ASCC3: variants seen among roughly 807,000 people sequenced by gnomAD.
ASCC3 encodes ASC-1 complex subunit P200.
ASCC3 carries 158 observed loss-of-function variants against 256.3 expected under a neutral mutation model. The observed-to-expected ratio is 0.62, with a 90% CI of 0.54 to 0.70. ASCC3 has a LOEUF of 0.70. ASCC3 is among the 30% of genes least tolerant of loss of function. The probability of loss-of-function intolerance (pLI) is 0.00; values close to 1 mark genes in which losing one functional copy is unlikely to be tolerated. For synonymous variants in ASCC3, 948 were observed against 883.4 expected (o/e 1.07, Z -1.30); for missense variants, 2,259 against 2,626.0 (o/e 0.86, Z 3.05).
At chr6:100,759,518 T>C (rs1781336841) in intron 10 of ASCC3, among the ~76,000 whole-genome samples, 1 of 152,188 alleles carries the variant, frequency 6.6e-6, no homozygotes, top group African/African-American at 2.4e-5. Flanking sequence ...TTGTTTGTTT[T>C]TGTCAGCTTT....
intron 10 of ASCC3, among the ~76,000 whole-genome samples, chr6:100,738,613 C>T (rs1490597328): frequency 6.6e-6 from 1 of 152,210 alleles, no homozygotes; most frequent in Non-Finnish European, 1.5e-5. Flanking sequence ...GTTTTGGTTG[C>T]TGTAGCTTTG....
intron 25 of ASCC3, among the ~76,000 whole-genome samples, chr6:100,632,145 T>C (rs1263400320): frequency 8.3e-6 from 1 of 119,786 alleles, no homozygotes; most frequent in Non-Finnish European, 1.7e-5. Context: ...AGTCAACATA[T>C]ATAAACCAGT....
At chr6:100,824,602 A>G (rs1254070994) in intron 4 of ASCC3, among the ~76,000 whole-genome samples, 1 of 152,208 alleles carries the variant, frequency 6.6e-6, no homozygotes, top group African/African-American at 2.4e-5. Flanking sequence ...ATCAGCCACT[A>G]AAGTTATTAT....
intron 4 of ASCC3, among the ~76,000 whole-genome samples, chr6:100,835,790 T>C (rs1303157056): frequency 2.0e-5 from 3 of 152,162 alleles, no homozygotes; most frequent in Non-Finnish European, 4.4e-5. Flanking sequence ...CTGTAAAGAA[T>C]GTTACGGGTA....
intron 37 of ASCC3, among the ~76,000 whole-genome samples, chr6:100,528,386 A>C (rs758398788): frequency 2.6e-5 from 4 of 152,210 alleles, no homozygotes; most frequent in Admixed American, 6.5e-5. Context: ...TGTTTGAATG[A>C]AGAAAGGTAT....
rs556448715 is a variant in ASCC3 at position 100,810,778 on chromosome 6, T to C, written c.802-4898A>G. 2.0e-3 allele frequency among the ~76,000 whole-genome samples: 309 copies of C among 152,276 alleles called. No homozygotes were observed. In the Middle Eastern group the frequency reaches 0.024, roughly 12 times the overall value. On this transcript the variant is annotated intron_variant, in intron 4 of 41. Transcript: ENST00000369162. ...TTTAATCTCCTTCAATTGCTAGTAG[T>C]TGCAAACACTTTAAGGCCCTCCTAC...
chr6:100,686,296 T>G (rs1201904399), intron 13 of ASCC3, among the ~76,000 whole-genome samples: 1 of 152,194 alleles, frequency 6.6e-6, no homozygotes, highest in African/African-American at 2.4e-5. Flanking sequence ...ATTAATTTTT[T>G]GATAGGGTAA....
intron 37 of ASCC3, among the ~76,000 whole-genome samples, chr6:100,521,458 T>C (rs1774307234): frequency 6.6e-6 from 1 of 152,170 alleles, no homozygotes; most frequent in South Asian, 2.1e-4. Context: ...CACCTCAAAC[T>C]GCAGAAGTTA....
At chr6:100,581,264 G>A (rs1160079469) in intron 36 of ASCC3, among the ~76,000 whole-genome samples, 1 of 152,094 alleles carries the variant, frequency 6.6e-6, no homozygotes, top group Non-Finnish European at 1.5e-5. Flanking sequence ...ACTTTTTAAT[G>A]ATTGCCATTC....
intron 8 of ASCC3, among the ~76,000 whole-genome samples, chr6:100,787,594 T>A (rs531625736): frequency 6.6e-5 from 10 of 152,226 alleles, no homozygotes; most frequent in African/African-American, 2.2e-4. Context: ...CAAGACTTAC[T>A]ATAAAGCTTC....
intron 8 of ASCC3, among the ~76,000 whole-genome samples, chr6:100,773,286 C>T (rs191472375): frequency 1.1e-4 from 17 of 152,100 alleles, no homozygotes; most frequent in East Asian, 9.7e-4. Context: ...CATTTTTATA[C>T]GAGGTTTCCT....
rs927319170 is a variant in ASCC3, at chr6:100,881,183, C to G, written c.-164G>C. 2.0e-5 allele frequency: 3 copies of G among 152,342 alleles called. No homozygotes were observed. The highest frequency in any genetic ancestry group is 6.5e-5 in the Admixed American group (1 of 15,288). The allele number at this position is 152,342 out of a possible 1,614,324, so 9.4% of individuals were successfully genotyped here. A position where few individuals can be genotyped will look rare whatever the true frequency, so the allele number is the denominator to read the frequency against. Reference sequence around the variant, plus strand: ...GGAGCTGAGCGCAGGGCCAAAGATGCGAGCGGGCAGCTGTATCGCCGCGCC... The same window carrying G: ...GGAGCTGAGCGCAGGGCCAAAGATGGGAGCGGGCAGCTGTATCGCCGCGCC... On this transcript the variant is annotated 5_prime_UTR_variant, in exon 1 of 42. Coordinates refer to ENST00000369162, the MANE Select transcript of ASCC3 (RefSeq NM_006828.4).
chr6:100,654,373 G>T (rs1775820351), intron 17 of ASCC3, among the ~76,000 whole-genome samples: 1 of 151,270 alleles, frequency 6.6e-6, no homozygotes, highest in South Asian at 2.1e-4. Context: ...TCTTTATACT[G>T]GAAAATGAAA....
chr6:100,784,080 C>A (rs185795663), intron 8 of ASCC3, among the ~76,000 whole-genome samples: 1 of 152,166 alleles, frequency 6.6e-6, no homozygotes, highest in African/African-American at 2.4e-5. Flanking sequence ...AAGTTAAAGG[C>A]TTGTAAAACT....
At chr6:100,759,919 T>C (rs1781351761) in intron 10 of ASCC3, among the ~76,000 whole-genome samples, 1 of 152,098 alleles carries the variant, frequency 6.6e-6, no homozygotes, top group Admixed American at 6.5e-5. Flanking sequence ...TTTGTAGAAA[T>C]TGTGAGAGTT....
At chr6:100,607,890 T>C (rs1772984283) in intron 30 of ASCC3, among the ~76,000 whole-genome samples, 1 of 150,530 alleles carries the variant, frequency 6.6e-6, no homozygotes, top group African/African-American at 2.4e-5. Context: ...TTTTTATATT[T>C]ATTGGCTGTT....
chr6:100,795,197 A>G (rs1447384897), intron 8 of ASCC3, among the ~76,000 whole-genome samples: 9 of 145,014 alleles, frequency 6.2e-5, no homozygotes, highest in Non-Finnish European at 9.0e-5. Flanking sequence ...AACTGGTTGG[A>G]AAAAAAAAAC....
At chr6:100,558,952 T>C (rs759203952) in intron 36 of ASCC3, among the ~76,000 whole-genome samples, 2 of 152,176 alleles carry the variant, frequency 1.3e-5, no homozygotes, top group African/African-American at 4.8e-5. Context: ...TTATCTCTTC[T>C]TGAGATATAC....
chr6:100,595,808 C>T (rs1460432144), intron 34 of ASCC3, among the ~76,000 whole-genome samples: 1 of 152,120 alleles, frequency 6.6e-6, no homozygotes, highest in Admixed American at 6.5e-5. Context: ...CCTGAAACAG[C>T]ATTTCAAATA....
Sources: allele counts gnomAD v4.1 joint callset (sites outside exome capture counted in the v4.1 genomes callset), GRCh38; gene constraint gnomAD v4.1.1; transcripts MANE v1.5; gene names NCBI Gene and HGNC (gene_info 2026-07-23, HGNC 2026-07-21).